ASIC2: variants seen among roughly 807,000 people sequenced by gnomAD.
The protein encoded by ASIC2 is acid-sensing ion channel 2.
A neutral mutation model predicts 57.3 loss-of-function variants in ASIC2; 25 were observed. The observed-to-expected ratio is 0.44, with a 90% CI of 0.32 to 0.61. ASIC2 has a LOEUF of 0.61. Ranked by LOEUF, ASIC2 falls within the 20% of genes least tolerant of loss-of-function variation. The probability of loss-of-function intolerance (pLI) is 0.06; values close to 1 mark genes in which losing one functional copy is unlikely to be tolerated. For missense variants in ASIC2, 641 were observed against 738.1 expected, an observed-to-expected ratio of 0.87 and a Z score of 1.52; for synonymous variants, 319 against 307.5, an observed-to-expected ratio of 1.04 and a Z score of -0.39.
chr17:33,661,039 T>C (rs534051108), intron 1 of ASIC2, among the ~76,000 whole-genome samples: 1 of 152,204 alleles, frequency 6.6e-6, no homozygotes, highest in Non-Finnish European at 1.5e-5. Flanking sequence ...AGCTAGACTC[T>C]GCTAGCCACG....
intron 1 of ASIC2, among the ~76,000 whole-genome samples, chr17:33,827,373 C>T (rs1447634358): frequency 7.5e-5 from 4 of 53,506 alleles, no homozygotes; most frequent in Non-Finnish European, 1.8e-4. Flanking sequence ...GCTCTGTCAC[C>T]AAGGCTGGAG....
At chr17:33,698,427 C>T (rs888461227) in intron 1 of ASIC2, among the ~76,000 whole-genome samples, 4 of 152,140 alleles carry the variant, frequency 2.6e-5, no homozygotes, top group African/African-American at 9.7e-5. Flanking sequence ...AGGAAGTTTT[C>T]AAACGTTATT....
chr17:33,330,122 G>T (rs1451072821), intron 1 of ASIC2, among the ~76,000 whole-genome samples: 1 of 152,184 alleles, frequency 6.6e-6, no homozygotes, highest in Non-Finnish European at 1.5e-5. Context: ...GTGATGGTGG[G>T]ATCAGATGAT....
At chr17:33,965,537 G>A (rs1448607818) in intron 1 of ASIC2, among the ~76,000 whole-genome samples, 6 of 152,222 alleles carry the variant, frequency 3.9e-5, no homozygotes, top group South Asian at 2.1e-4. Context: ...AGGTTGTTCC[G>A]GCCTCCCATA....
At chr17:33,758,207 G>A (rs1281332692) in intron 1 of ASIC2, among the ~76,000 whole-genome samples, 1 of 152,090 alleles carries the variant, frequency 6.6e-6, no homozygotes, top group African/African-American at 2.4e-5. Context: ...TGTAGGTACT[G>A]TATATGTAAC....
intron 1 of ASIC2, among the ~76,000 whole-genome samples, chr17:33,560,463 C>A (rs557440772): frequency 6.6e-6 from 1 of 152,240 alleles, no homozygotes; most frequent in African/African-American, 2.4e-5. Flanking sequence ...GGAAAATTGG[C>A]ATTTATGATA....
intron 1 of ASIC2, among the ~76,000 whole-genome samples, chr17:33,388,163 G>A (rs181668549): frequency 2.0e-5 from 3 of 152,154 alleles, no homozygotes; most frequent in African/African-American, 7.2e-5. Flanking sequence ...TGATCACTGA[G>A]GCAGATTGAA....
At chr17:33,936,982 C>A (rs1227910005) in intron 1 of ASIC2, among the ~76,000 whole-genome samples, 1 of 152,214 alleles carries the variant, frequency 6.6e-6, no homozygotes, top group Non-Finnish European at 1.5e-5. Context: ...CTCCACCAAG[C>A]CCAAGCGGAG....
intron 1 of ASIC2, among the ~76,000 whole-genome samples, chr17:33,832,552 G>T (rs1293251726): frequency 6.6e-6 from 1 of 152,150 alleles, no homozygotes; most frequent in Non-Finnish European, 1.5e-5. Context: ...CTATCAAGTT[G>T]CCCTTTATTT....
At chr17:33,818,160 G>A (rs1364394958) in intron 1 of ASIC2, among the ~76,000 whole-genome samples, 21 of 152,132 alleles carry the variant, frequency 1.4e-4, no homozygotes, top group Admixed American at 1.4e-3. Context: ...CTTGATGAGG[G>A]TGTAACAAGG....
chr17:33,574,966 C>T (rs1433980679), intron 1 of ASIC2, among the ~76,000 whole-genome samples: 24 of 151,648 alleles, frequency 1.6e-4, no homozygotes, highest in Admixed American at 1.6e-3. Context: ...AGAGTAGAAA[C>T]TGGTACAGAT....
At chr17:33,725,264 C>T (rs575841660) in intron 1 of ASIC2, among the ~76,000 whole-genome samples, 1 of 152,186 alleles carries the variant, frequency 6.6e-6, no homozygotes, top group Non-Finnish European at 1.5e-5. Context: ...GGGGAAAATA[C>T]GTGGAGGGAA....
At chr17:33,042,982 A>T (rs2141919403) in intron 3 of ASIC2, among the ~76,000 whole-genome samples, 1 of 150,906 alleles carries the variant, frequency 6.6e-6, no homozygotes, top group Middle Eastern at 3.4e-3. Context: ...GCTGGAGTGC[A>T]GTGGTGCAAT....
chr17:33,514,447 G>T (rs755972629), intron 1 of ASIC2, among the ~76,000 whole-genome samples: 1 of 152,118 alleles, frequency 6.6e-6, no homozygotes, highest in Non-Finnish European at 1.5e-5. Flanking sequence ...GAGAAATTTG[G>T]GGGGAATGTG....
At chr17:33,603,387 A>G (rs368304279) in intron 1 of ASIC2, among the ~76,000 whole-genome samples, 4 of 150,294 alleles carry the variant, frequency 2.7e-5, no homozygotes, top group South Asian at 4.3e-4. Flanking sequence ...CAAAGGCACC[A>G]TTAACTGCAG....
intron 1 of ASIC2, among the ~76,000 whole-genome samples, chr17:33,954,289 C>A (rs183456152): frequency 1.3e-5 from 2 of 152,132 alleles, no homozygotes; most frequent in South Asian, 4.1e-4. Context: ...GTGGAAAGTT[C>A]TCAGGAGTGT....
At chr17:33,129,139 G>A (rs532648486) in intron 1 of ASIC2, among the ~76,000 whole-genome samples, 3 of 152,320 alleles carry the variant, frequency 2.0e-5, no homozygotes, top group Admixed American at 6.5e-5. Context: ...TGTAAAGTGA[G>A]TACACCTGTG....
At chr17:33,517,581 G>A (rs1383914427) in intron 1 of ASIC2, among the ~76,000 whole-genome samples, 1 of 151,630 alleles carries the variant, frequency 6.6e-6, no homozygotes, top group Non-Finnish European at 1.5e-5. Context: ...CTTAACTGGG[G>A]TTGGAGAATC....
chr17:33,083,063 G>A (rs570376555), intron 3 of ASIC2, among the ~76,000 whole-genome samples: 2 of 152,308 alleles, frequency 1.3e-5, no homozygotes, highest in South Asian at 4.1e-4. Flanking sequence ...AGGGAGACGG[G>A]CTTTCAGGGC....
Sources: gnomAD v4.1 joint callset for allele counts (sites outside exome capture counted in the v4.1 genomes callset) on GRCh38, gnomAD v4.1.1 for gene constraint, MANE v1.5 for transcripts, NCBI Gene and HGNC (gene_info 2026-07-23, HGNC 2026-07-21) for gene names.